Variants in SLC4A10 observed in about 807,000 individuals in gnomAD.
SLC4A10 encodes sodium-driven chloride bicarbonate exchanger.
SLC4A10 carries 42 observed loss-of-function variants against 137.7 expected under a neutral mutation model. The observed-to-expected ratio is 0.30, with a 90% CI of 0.24 to 0.39. The LOEUF (loss-of-function observed/expected upper bound fraction) is 0.39. SLC4A10 is among the 10% of genes least tolerant of loss of function. The pLI is 1.00. For synonymous variants in SLC4A10, 474 were observed against 464.1 expected (o/e 1.02, Z -0.27); for missense variants, 925 against 1,355.0 (o/e 0.68, Z 4.98).
chr2:161,979,714 G>A (rs560243230), intron 26 of SLC4A10, among the ~76,000 whole-genome samples: 21 of 152,264 alleles, frequency 1.4e-4, no homozygotes, highest in Non-Finnish European at 2.5e-4. Context: ...AATTTAGTAC[G>A]TGGTAGAGTA....
In SLC4A10 at chr2:161,695,058, T is replaced by G. The variant is rs953490324; in HGVS notation, c.48+70492T>G. 2.6e-4 allele frequency among the ~76,000 whole-genome samples: 40 copies of G among 152,090 alleles called. 1 individual carries two copies. Among genetic ancestry groups the G allele is most frequent in the Non-Finnish European group, 4.4e-5 (3 of 67,954 alleles). ...AAAATATTTGTATATGTAAATATGA[T>G]GTAGTAATTACTTCTTTTCCTCCAA... On this transcript the variant is annotated intron_variant, in intron 1 of 26. Transcript: ENST00000446997.
intron 3 of SLC4A10, among the ~76,000 whole-genome samples, chr2:161,837,368 A>G (rs893170838): frequency 1.3e-5 from 2 of 152,214 alleles, no homozygotes; most frequent in African/African-American, 4.8e-5. Context: ...CTAGGTATAA[A>G]TTTAACAAAG....
chr2:161,910,387 G>A (rs1685544406), intron 15 of SLC4A10, among the ~76,000 whole-genome samples: 1 of 152,082 alleles, frequency 6.6e-6, no homozygotes, highest in Admixed American at 6.5e-5. Context: ...CGATCAAGCT[G>A]AATATGCCAA....
intron 1 of SLC4A10, among the ~76,000 whole-genome samples, chr2:161,742,968 GA>G (rs1458849178): frequency 1.3e-5 from 2 of 151,992 alleles, no homozygotes; most frequent in Non-Finnish European, 2.9e-5. Context: ...TAGATTATTA[GA>G]TTTTTTTTAT....
chr2:161,909,915 G>A (rs939621188), intron 15 of SLC4A10, among the ~76,000 whole-genome samples: 1 of 152,004 alleles, frequency 6.6e-6, no homozygotes, highest in African/African-American at 2.4e-5. Context: ...CTGAATCAGT[G>A]TCATTTATAA....
chr2:161,871,698 T>C (rs934947392), intron 6 of SLC4A10, among the ~76,000 whole-genome samples: 1 of 152,068 alleles, frequency 6.6e-6, no homozygotes, highest in Non-Finnish European at 1.5e-5. Context: ...TATAATAGAA[T>C]AGTCAGAGGC....
chr2:161,771,662 T>C (rs998692266), intron 2 of SLC4A10, among the ~76,000 whole-genome samples: 9 of 151,872 alleles, frequency 5.9e-5, no homozygotes, highest in Non-Finnish European at 8.8e-5. Context: ...GCAAGGATAA[T>C]AATGGAATAT....
At chr2:161,704,272 C>T (rs765369191) in intron 1 of SLC4A10, among the ~76,000 whole-genome samples, 4 of 151,466 alleles carry the variant, frequency 2.6e-5, no homozygotes, top group Non-Finnish European at 5.9e-5. Flanking sequence ...AGCTTTAGCC[C>T]AGTATAAATA....
chr2:161,776,351 A>G (rs1026959446), intron 2 of SLC4A10, among the ~76,000 whole-genome samples: 1 of 151,934 alleles, frequency 6.6e-6, no homozygotes. Flanking sequence ...TATACAAACA[A>G]TAACTCCCCT....
chr2:161,832,618 TAC>T (rs1407226552), intron 3 of SLC4A10, among the ~76,000 whole-genome samples: 1 of 152,218 alleles, frequency 6.6e-6, no homozygotes, highest in South Asian at 2.1e-4. Flanking sequence ...GCAGGGAGAT[TAC>T]AGTCTGGCAG....
At chr2:161,867,233 C>T (rs1037590129) in intron 6 of SLC4A10, among the ~76,000 whole-genome samples, 6 of 151,882 alleles carry the variant, frequency 4.0e-5, no homozygotes, top group South Asian at 2.1e-4. Context: ...ATTGTAGTTA[C>T]TTCTTTTACA....
intron 10 of SLC4A10, among the ~76,000 whole-genome samples, chr2:161,883,273 A>C (rs1424517464): frequency 1.3e-5 from 2 of 152,150 alleles, no homozygotes; most frequent in Non-Finnish European, 2.9e-5. Flanking sequence ...TAATGTTTTT[A>C]TTGAAATACA....
At chr2:161,693,664 T>A (rs2042214059) in intron 1 of SLC4A10, among the ~76,000 whole-genome samples, 1 of 149,088 alleles carries the variant, frequency 6.7e-6, no homozygotes, top group African/African-American at 2.5e-5. Flanking sequence ...TCTCTACAAA[T>A]TCGACTTTTT....
chr2:161,895,371 A>G (rs1358845789), intron 11 of SLC4A10, among the ~76,000 whole-genome samples: 1 of 152,160 alleles, frequency 6.6e-6, no homozygotes, highest in African/African-American at 2.4e-5. Context: ...CGCAATAAAC[A>G]TACATGTGCA....
At chr2:161,919,741 G>A (rs1475350673) in intron 15 of SLC4A10, among the ~76,000 whole-genome samples, 1 of 152,140 alleles carries the variant, frequency 6.6e-6, no homozygotes, top group Non-Finnish European at 1.5e-5. Context: ...CGAAGTGGTG[G>A]CACTGAAAGA....
intron 1 of SLC4A10, among the ~76,000 whole-genome samples, chr2:161,630,602 A>G (rs2033354946): frequency 6.6e-6 from 1 of 151,732 alleles, no homozygotes; most frequent in African/African-American, 2.4e-5. Context: ...CTCAGCCTAG[A>G]GTCCAAATCT....
At chr2:161,949,857 A>G (rs537196768) in intron 18 of SLC4A10, among the ~76,000 whole-genome samples, 28 of 152,068 alleles carry the variant, frequency 1.8e-4, no homozygotes, top group Admixed American at 5.3e-4. Context: ...ATTCTTAATA[A>G]TATATGTGAC....
At chr2:161,924,501 A>C (rs915944318) in intron 15 of SLC4A10, among the ~76,000 whole-genome samples, 3 of 152,180 alleles carry the variant, frequency 2.0e-5, no homozygotes, top group African/African-American at 7.2e-5. Flanking sequence ...TACATATATA[A>C]ATACAAATAA....
intron 1 of SLC4A10, among the ~76,000 whole-genome samples, chr2:161,693,925 A>G (rs1218713257): frequency 2.6e-5 from 4 of 151,928 alleles, no homozygotes; most frequent in Non-Finnish European, 5.9e-5. Flanking sequence ...TAATGCTGTA[A>G]TAAACATGGG....
Sources: gnomAD v4.1 joint callset for allele counts (sites outside exome capture counted in the v4.1 genomes callset) on GRCh38, gnomAD v4.1.1 for gene constraint, MANE v1.5 for transcripts, NCBI Gene and HGNC (gene_info 2026-07-23, HGNC 2026-07-21) for gene names.